Variants in ZNF345 observed in about 807,000 individuals in gnomAD.
The protein encoded by ZNF345 is zinc finger protein HZF10.
For synonymous variants in ZNF345, 166 were observed against 187.9 expected (o/e 0.88, Z 0.95); for missense variants, 527 against 589.9 (o/e 0.89, Z 1.10).
chr19:36,858,556 C>T (rs750825099), intron 2 of ZNF345, among the ~76,000 whole-genome samples: 4 of 152,060 alleles, frequency 2.6e-5, no homozygotes, highest in African/African-American at 9.7e-5. Flanking sequence ...CACCTGAGGT[C>T]GGGAGTTCGA....
At chr19:36,852,124 C>CT (rs2072284039) in intron 2 of ZNF345, among the ~76,000 whole-genome samples, 5 of 107,654 alleles carry the variant, frequency 4.6e-5, no homozygotes, top group African/African-American at 1.6e-4. Context: ...TTTTTTCTTT[C>CT]TTTCTTTTTT....
At chr19:36,885,135 T>G (rs1250323323) in intron 3 of ZNF345, among the ~76,000 whole-genome samples, 4 of 152,104 alleles carry the variant, frequency 2.6e-5, no homozygotes, top group Non-Finnish European at 4.4e-5. Context: ...ACACTTAGTA[T>G]TGTATAGTCA....
At chr19:36,887,263 C>T (rs1195285123) in intron 3 of ZNF345, among the ~76,000 whole-genome samples, 2 of 151,862 alleles carry the variant, frequency 1.3e-5, no homozygotes, top group African/African-American at 4.8e-5. Flanking sequence ...GAAATGATGA[C>T]TAAATGCAAT....
chr19:36,873,653 T>C (rs475196), intron 2 of ZNF345, among the ~76,000 whole-genome samples: 5,931 of 151,914 alleles, frequency 0.039, 379 homozygotes, highest in African/African-American at 0.14. Flanking sequence ...TCCCTGACAG[T>C]CCCTGGTAAC....
At chr19:36,865,110 T>C (rs2072631602) in intron 2 of ZNF345, among the ~76,000 whole-genome samples, 1 of 152,118 alleles carries the variant, frequency 6.6e-6, no homozygotes, top group Non-Finnish European at 1.5e-5. Context: ...AACTGGGTGC[T>C]CGGGAAACTG....
chr19:36,882,061 T>TTA (rs1568363310), downstream of ZNF345, among the ~76,000 whole-genome samples: 157 of 151,412 alleles, frequency 1.0e-3, no homozygotes, highest in African/African-American at 3.6e-3. Context: ...GTTTTTTTTT[T>TTA]AAAAAAAACC....
At chr19:36,858,837 C>A (rs928667950) in intron 2 of ZNF345, among the ~76,000 whole-genome samples, 2 of 152,136 alleles carry the variant, frequency 1.3e-5, no homozygotes, top group Admixed American at 6.5e-5. Context: ...GAATGAGAAT[C>A]ACTGAGTTAG....
rs1336657269 is a variant in ZNF345, at chr19:36,877,776, T to G, written c.946T>G (p.Cys316Gly). The G allele has an allele frequency of 6.2e-7, 1 of 1,613,660 alleles. No homozygotes were observed. Among genetic ancestry groups the G allele is most frequent in the East Asian group, 2.2e-5 (1 of 44,846 alleles). ...RIHTGEKPYE[C>G]KECEKAFRSG... ...TCACACTGGTGAGAAACCCTATGAG[T>G]GTAAGGAGTGTGAGAAAGCCTTTAG... Residue 316 changes from cysteine to glycine, a missense_variant, in exon 3 of 3, where the codon TGT becomes GGT. Physicochemically the swap from Cys to Gly is radical, Grantham distance 159. Coordinates refer to ENST00000420450, the MANE Select transcript of ZNF345 (RefSeq NM_001242472.2).
Position 36,877,710 on chromosome 19 carries a change from G to C in ZNF345, c.880G>C (p.Ala294Pro), listed in dbSNP as rs182439049. ...KPYVCKECGK[A>P]FNSGSDLTQH... ...TTATGTATGTAAGGAATGTGGGAAG[G>C]CTTTTAATAGTGGCTCAGATCTCAC... Residue 294 changes from alanine to proline, a missense_variant, in exon 3 of 3, where the codon GCT (alanine) becomes CCT (proline). Transcript: ENST00000420450. The C allele has an allele frequency of 1.2e-6, 2 of 1,613,782 alleles. No homozygotes were observed. Among genetic ancestry groups the C allele is most frequent in the African/African-American group, 1.3e-5 (1 of 74,830 alleles).
intron 2 of ZNF345, among the ~76,000 whole-genome samples, chr19:36,867,443 C>G (rs904901120): frequency 1.3e-5 from 2 of 152,142 alleles, no homozygotes; most frequent in Admixed American, 6.5e-5. Context: ...TATTGATTCT[C>G]TCTAGTTTTA....
At chr19:36,891,614 A>G in intron 3 of ZNF345, 1 of 1,613,704 alleles carries the variant, frequency 6.2e-7, no homozygotes, top group Non-Finnish European at 8.5e-7. Flanking sequence ...GTAAGATTTG[A>G]GCCTTTATTA....
chr19:36,884,066 TTA>T (rs2072983338), downstream of ZNF345, among the ~76,000 whole-genome samples: 1 of 149,822 alleles, frequency 6.7e-6, no homozygotes, highest in African/African-American at 2.5e-5. Flanking sequence ...TACAACTTAT[TTA>T]TTTTTATTTT....
intron 2 of ZNF345, among the ~76,000 whole-genome samples, chr19:36,854,859 C>CTTTTT (rs34921305): frequency 2.9e-5 from 4 of 138,498 alleles, no homozygotes; most frequent in African/African-American, 8.0e-5. Context: ...CTTTTCTTTT[C>CTTTTT]TTTTTTTTTT....
intron 2 of ZNF345, among the ~76,000 whole-genome samples, chr19:36,856,916 C>T (rs1403928894): frequency 1.3e-5 from 2 of 151,436 alleles, no homozygotes; most frequent in East Asian, 1.9e-4. Flanking sequence ...TATTACAACA[C>T]ATTTAGAAAA....
rs34257728 is a variant in ZNF345 at position 36,874,504 on chromosome 19, A to AGG, written c.-46-2281_-46-2280insGG. Reference sequence around the variant, plus strand: ...AGTGAAACTCCACTAAAAAAAAAAAAAGGGGGGTGGGGTGCCAGGCCTGGT... The same window carrying AGG: ...AGTGAAACTCCACTAAAAAAAAAAAAGGAGGGGGGTGGGGTGCCAGGCCTGGT... On this transcript the variant is annotated intron_variant, in intron 2 of 2. Transcript: ENST00000420450. 1.9e-4 allele frequency among the ~76,000 whole-genome samples: 27 copies of AGG among 145,072 alleles called. 1 individual carries two copies. Among genetic ancestry groups the AGG allele is most frequent in the Admixed American group, 7.5e-4 (11 of 14,688 alleles).
At chr19:36,875,694 G>A (rs1192668590) in intron 2 of ZNF345, among the ~76,000 whole-genome samples, 3 of 152,190 alleles carry the variant, frequency 2.0e-5, no homozygotes, top group Non-Finnish European at 4.4e-5. Flanking sequence ...GCCAGTTGGA[G>A]ACTGAAAGAA....
intron 2 of ZNF345, among the ~76,000 whole-genome samples, chr19:36,857,165 T>C (rs2072437079): frequency 6.6e-6 from 1 of 152,160 alleles, no homozygotes; most frequent in Non-Finnish European, 1.5e-5. Flanking sequence ...GGCTTTTTTG[T>C]TGAATATAGT....
chr19:36,854,297 C>T (rs1396019817), intron 2 of ZNF345, among the ~76,000 whole-genome samples: 1 of 151,518 alleles, frequency 6.6e-6, no homozygotes, highest in Non-Finnish European at 1.5e-5. Context: ...CCTCCTCCAC[C>T]TCTTCCTCCT....
rs1228175790 is a variant in ZNF345, at chr19:36,877,515, C to A, written c.685C>A (p.Pro229Thr). 1 of 1,614,154 alleles carries A rather than the reference C, an allele frequency of 6.2e-7. No homozygotes were observed. The highest frequency in any genetic ancestry group is 2.2e-5 in the East Asian group (1 of 44,880). Residue 229 changes from proline (P) to threonine (T), a missense_variant, in exon 3 of 3, where the codon CCT becomes ACT. Coordinates refer to ENST00000420450, the MANE Select transcript of ZNF345 (RefSeq NM_001242472.2). ...QHRRIHTGEK[P>T]YECKACGMAF... ...TCGGCGGATTCATACTGGTGAGAAA[C>A]CTTATGAATGCAAAGCATGTGGAAT...
Sources: gnomAD v4.1 joint callset for allele counts (sites outside exome capture counted in the v4.1 genomes callset) on GRCh38, gnomAD v4.1.1 for gene constraint, MANE v1.5 for transcripts, NCBI Gene and HGNC (gene_info 2026-07-23, HGNC 2026-07-21) for gene names.